KCND2: variants seen among roughly 807,000 people sequenced by gnomAD.
KCND2 encodes potassium voltage-gated channel subfamily D member 2, also known as A-type voltage-gated potassium channel KCND2.
KCND2 carries 16 observed loss-of-function variants against 54.4 expected under a neutral mutation model. That is an observed-to-expected ratio of 0.29 (90% CI 0.20 to 0.45). The LOEUF (loss-of-function observed/expected upper bound fraction) is 0.45, where lower values mean the gene tolerates loss of function less well. Ranked by LOEUF, KCND2 falls within the 20% of genes least tolerant of loss-of-function variation. KCND2 has a pLI of 1.00. For synonymous variants in KCND2, 317 were observed against 310.7 expected, an observed-to-expected ratio of 1.02 and a Z score of -0.21; for missense variants, 486 against 824.2, an observed-to-expected ratio of 0.59 and a Z score of 5.02.
intron 1 of KCND2, among the ~76,000 whole-genome samples, chr7:120,349,327 A>AACACACACACACACACACACACACAAAC (rs145626165): frequency 6.9e-6 from 1 of 144,464 alleles, no homozygotes; most frequent in Non-Finnish European, 1.5e-5. Context: ...CACACACACA[A>AACACACACACACACACACACACACAAAC]ACACACACAC....
chr7:120,551,437 T>C (rs1381305620), intron 1 of KCND2, among the ~76,000 whole-genome samples: 1 of 152,208 alleles, frequency 6.6e-6, no homozygotes, highest in Non-Finnish European at 1.5e-5. Flanking sequence ...ATTGGAGATA[T>C]AATTTTGAAT....
At chr7:120,376,443 G>A (rs10269236) in intron 1 of KCND2, among the ~76,000 whole-genome samples, 9,241 of 150,624 alleles carry the variant, frequency 0.061, 861 homozygotes, top group African/African-American at 0.21. Flanking sequence ...TCTGCCTATT[G>A]TTACAGTTTT....
At position 120,620,711 on chromosome 7, in the gene KCND2, G is replaced by C. The variant is rs12334288; in HGVS notation, c.1116-112192G>C. ...AGTGTGATGATACTAGGCAAGTAAA[G>C]ACCATGGTATACAAAGGTCTGGATC... On this transcript the variant is annotated intron_variant, in intron 1 of 5. Transcript: ENST00000331113. Among the ~76,000 whole-genome samples, 945 of 152,040 alleles carry C rather than the reference G, an allele frequency of 6.2e-3. 9 individuals are homozygous for C. Among genetic ancestry groups the C allele is most frequent in the African/African-American group, 0.021 (871 of 41,454 alleles).
chr7:120,698,695 G>A (rs1358640046), intron 1 of KCND2, among the ~76,000 whole-genome samples: 5 of 152,166 alleles, frequency 3.3e-5, no homozygotes, highest in African/African-American at 1.2e-4. Context: ...GCAGATTAGT[G>A]CAAATCCTAA....
At chr7:120,486,100 G>A (rs183581853) in intron 1 of KCND2, among the ~76,000 whole-genome samples, 1 of 152,018 alleles carries the variant, frequency 6.6e-6, no homozygotes, top group Admixed American at 6.6e-5. Context: ...TCTTTGGTGG[G>A]CACAACCCTT....
In KCND2 at chr7:120,275,682, G is replaced by A. The variant is rs746186145; in HGVS notation, c.1050G>A (p.Ser350=). Residue 350 remains serine (S), a synonymous_variant, in exon 1 of 6, where the codon TCG becomes TCA. Coordinates refer to ENST00000331113, the MANE Select transcript of KCND2 (RefSeq NM_012281.3). ...TGTTCTACGCAGAGAAGGGGTCTTC[G>A]GCTAGCAAGTTCACCAGCATCCCTG... is the stretch of plus-strand genomic sequence containing the variant. ...TVMFYAEKGS[S]ASKFTSIPAA... is the part of the protein sequence containing the mutation. 7.5e-6 allele frequency: 12 copies of A among 1,602,256 alleles called. No homozygotes were observed. The South Asian group carries it at 7.7e-5, about 10-fold the overall frequency.
At chr7:120,673,082 G>T (rs758590808) in intron 1 of KCND2, 1 of 152,072 alleles carries the variant, frequency 6.6e-6, no homozygotes, top group Non-Finnish European at 1.5e-5. Context: ...ACAGAGGAAA[G>T]ACCACGTGAG....
At chr7:120,507,586 A>G (rs1265263231) in intron 1 of KCND2, among the ~76,000 whole-genome samples, 1 of 151,914 alleles carries the variant, frequency 6.6e-6, no homozygotes, top group Non-Finnish European at 1.5e-5. Context: ...TTGGAATGCA[A>G]ATATGATGAC....
At chr7:120,720,400 G>A (rs1029211008) in intron 1 of KCND2, among the ~76,000 whole-genome samples, 19 of 152,148 alleles carry the variant, frequency 1.2e-4, no homozygotes, top group Admixed American at 1.3e-4. Context: ...GTAGTGAGCT[G>A]TGGTAAGGTA....
intron 1 of KCND2, among the ~76,000 whole-genome samples, chr7:120,407,242 G>C (rs1429324967): frequency 6.6e-6 from 1 of 151,660 alleles, no homozygotes; most frequent in Admixed American, 6.6e-5. Flanking sequence ...AGGAAATACT[G>C]TTTTTTTTGT....
intron 1 of KCND2, among the ~76,000 whole-genome samples, chr7:120,378,201 T>TATGC (rs1322208404): frequency 6.6e-6 from 1 of 152,008 alleles, no homozygotes; most frequent in Non-Finnish European, 1.5e-5. Context: ...AAAGTAATTC[T>TATGC]ATATGCAATG....
intron 1 of KCND2, among the ~76,000 whole-genome samples, chr7:120,621,340 C>T (rs1383210508): frequency 2.0e-5 from 3 of 149,538 alleles, no homozygotes; most frequent in Non-Finnish European, 4.4e-5. Context: ...GGTTCTCTCT[C>T]CTATTCTTAT....
intron 1 of KCND2, among the ~76,000 whole-genome samples, chr7:120,725,657 A>G (rs1792724223): frequency 1.3e-5 from 2 of 152,174 alleles, no homozygotes; most frequent in Admixed American, 1.3e-4. Context: ...TATTTCTGCA[A>G]TTGTAAAATA....
intron 1 of KCND2, among the ~76,000 whole-genome samples, chr7:120,387,942 G>A (rs1801013949): frequency 6.6e-6 from 1 of 151,966 alleles, no homozygotes. Context: ...ATCAAAGGAA[G>A]ATTCTTAGGG....
At position 120,413,673 on chromosome 7, in the gene KCND2, A is replaced by T. The variant is rs538144497; in HGVS notation, c.1115+137926A>T. Among the ~76,000 whole-genome samples the T allele has an allele frequency of 4.2e-3, 639 of 152,162 alleles. 4 individuals carry two copies. Among genetic ancestry groups the T allele is most frequent in the Middle Eastern group, 0.01 (3 of 292 alleles). The stretch of plus-strand genomic sequence containing the variant: ...CCTTAAAATTCTAAAGCAGCATTGT[A>T]CTACAGTTTATAAAAAAACACCAAA... On this transcript the variant is annotated intron_variant, in intron 1 of 5. Coordinates refer to ENST00000331113, the MANE Select transcript of KCND2 (RefSeq NM_012281.3).
intron 1 of KCND2, among the ~76,000 whole-genome samples, chr7:120,674,442 C>A (rs977083827): frequency 2.0e-5 from 3 of 150,062 alleles, no homozygotes; most frequent in African/African-American, 7.3e-5. Flanking sequence ...TCCTGAGGGT[C>A]CGGTATGAAT....
intron 1 of KCND2, among the ~76,000 whole-genome samples, chr7:120,559,274 G>A (rs1584827937): frequency 6.6e-6 from 1 of 152,056 alleles, no homozygotes; most frequent in Non-Finnish European, 1.5e-5. Flanking sequence ...ATTTAACTAC[G>A]ACCATTGATA....
At position 120,358,668 on chromosome 7, in the gene KCND2, A is replaced by G. The variant is rs566150684; in HGVS notation, c.1115+82921A>G. Reference sequence around the variant, plus strand: ...CAATTTCTCTTGCCCGAAAATCTCTACCTAATTTCCCTTTGTGAATGCAGT... The same window carrying G: ...CAATTTCTCTTGCCCGAAAATCTCTGCCTAATTTCCCTTTGTGAATGCAGT... On this transcript the variant is annotated intron_variant, in intron 1 of 5. Transcript: ENST00000331113. Among the ~76,000 whole-genome samples, 23 of 152,192 alleles carry G rather than the reference A, an allele frequency of 1.5e-4. No homozygotes were observed. In the South Asian group the frequency reaches 4.8e-3, roughly 32 times the overall value.
intron 1 of KCND2, among the ~76,000 whole-genome samples, chr7:120,369,766 C>T (rs1345007938): frequency 6.6e-6 from 1 of 151,994 alleles, no homozygotes; most frequent in African/African-American, 2.4e-5. Context: ...TTTGTTCATT[C>T]ACTCAGACAA....
Sources: allele counts gnomAD v4.1 joint callset (sites outside exome capture counted in the v4.1 genomes callset), GRCh38; gene constraint gnomAD v4.1.1; transcripts MANE v1.5; gene names NCBI Gene and HGNC (gene_info 2026-07-23, HGNC 2026-07-21).